CCDC60: variants seen among roughly 807,000 people sequenced by gnomAD.
CCDC60 encodes the protein coiled-coil domain-containing protein 60.
Under a neutral mutation model 63.5 loss-of-function variants are expected in CCDC60, and 54 were observed. The observed-to-expected ratio is 0.85, with a 90% CI of 0.68 to 1.07. The LOEUF (loss-of-function observed/expected upper bound fraction) is 1.07, where lower values mean the gene tolerates loss of function less well. CCDC60 is among the 50% of genes least tolerant of loss of function. The pLI is 0.00. For synonymous variants in CCDC60, 206 were observed against 238.8 expected, an observed-to-expected ratio of 0.86 and a Z score of 1.27; for missense variants, 651 against 684.3, an observed-to-expected ratio of 0.95 and a Z score of 0.54.
chr12:119,437,570 A>T (rs1950350272), intron 2 of CCDC60, among the ~76,000 whole-genome samples: 1 of 152,220 alleles, frequency 6.6e-6, no homozygotes, highest in Non-Finnish European at 1.5e-5. Flanking sequence ...AAATCCCTTT[A>T]TGAATGAGGC....
At position 119,500,167 on chromosome 12, in the gene CCDC60, AG is replaced by A; in HGVS notation, c.648+1del. ...QKWEHFITAP[K>X]TKKFKIPTMR... is the part of the protein sequence containing the mutation. ...TGGGAGCATTTCATCACAGCGCCAA[AG>A]GTAACCAACAACACGCGACTCAACC... On this transcript the variant is annotated frameshift_variant and splice_region_variant, in exon 6 of 14. Coordinates refer to ENST00000327554, the MANE Select transcript of CCDC60 (RefSeq NM_178499.5). LOFTEE classifies it high-confidence loss of function. 1 of 1,606,276 alleles carries A rather than the reference AG, an allele frequency of 6.2e-7. No homozygotes were observed. Among genetic ancestry groups the A allele is most frequent in the Non-Finnish European group, 8.5e-7 (1 of 1,174,658 alleles).
chr12:119,403,661 T>C (rs1397465604), intron 1 of CCDC60, among the ~76,000 whole-genome samples: 2 of 151,892 alleles, frequency 1.3e-5, no homozygotes, highest in African/African-American at 4.8e-5. Context: ...CGATCATGAC[T>C]GGCCCTTTCT....
intron 1 of CCDC60, among the ~76,000 whole-genome samples, chr12:119,366,958 G>A (rs368898964): frequency 2.3e-4 from 35 of 152,140 alleles, no homozygotes; most frequent in African/African-American, 7.0e-4. Flanking sequence ...TCACCCTCCC[G>A]AGTAGCTGGG....
intron 7 of CCDC60, among the ~76,000 whole-genome samples, chr12:119,510,953 TC>T (rs1952201504): frequency 6.6e-6 from 1 of 152,268 alleles, no homozygotes; most frequent in Middle Eastern, 3.4e-3. Context: ...AGCAAATGCT[TC>T]CCCTTGTATG....
At chr12:119,476,193 G>C (rs1195754625) in intron 3 of CCDC60, among the ~76,000 whole-genome samples, 2 of 152,140 alleles carry the variant, frequency 1.3e-5, no homozygotes, top group African/African-American at 4.8e-5. Flanking sequence ...CCTGCAAGCA[G>C]TCTTTCCCAC....
chr12:119,511,999 C>A (rs1952225027), intron 7 of CCDC60, among the ~76,000 whole-genome samples: 1 of 152,166 alleles, frequency 6.6e-6, no homozygotes, highest in African/African-American at 2.4e-5. Flanking sequence ...ATCATGCCCA[C>A]AAATTGAGAG....
At chr12:119,360,257 C>T (rs1322272828) in intron 1 of CCDC60, among the ~76,000 whole-genome samples, 2 of 150,960 alleles carry the variant, frequency 1.3e-5, no homozygotes, top group African/African-American at 4.9e-5. Flanking sequence ...AGGCGCCCCT[C>T]ACCTCCCGGA....
At chr12:119,336,322 C>T (rs1016588839) in intron 1 of CCDC60, among the ~76,000 whole-genome samples, 1 of 152,102 alleles carries the variant, frequency 6.6e-6, no homozygotes, top group Non-Finnish European at 1.5e-5. Flanking sequence ...ATTAAATTGT[C>T]GAGACACATT....
chr12:119,344,195 C>T (rs187299850), intron 1 of CCDC60, among the ~76,000 whole-genome samples: 174 of 152,218 alleles, frequency 1.1e-3, no homozygotes, highest in African/African-American at 4.0e-3. Flanking sequence ...TATTAGATGA[C>T]AGTTGCAGCC....
intron 1 of CCDC60, among the ~76,000 whole-genome samples, chr12:119,389,781 C>T (rs879723157): frequency 2.0e-5 from 3 of 152,150 alleles, no homozygotes; most frequent in Non-Finnish European, 4.4e-5. Flanking sequence ...CACCAACACA[C>T]AGGCATGCAC....
chr12:119,508,944 G>A (rs1183910779), intron 7 of CCDC60, among the ~76,000 whole-genome samples: 1 of 152,114 alleles, frequency 6.6e-6, no homozygotes, highest in Non-Finnish European at 1.5e-5. Context: ...TTCTCCTGGG[G>A]CAAACTGAAC....
intron 13 of CCDC60, among the ~76,000 whole-genome samples, chr12:119,537,682 G>A (rs1953043858): frequency 6.6e-6 from 1 of 152,166 alleles, no homozygotes; most frequent in Non-Finnish European, 1.5e-5. Flanking sequence ...TCAGCTGCAG[G>A]TCTGTTGGAG....
intron 2 of CCDC60, among the ~76,000 whole-genome samples, chr12:119,467,848 TC>T (rs1191531860): frequency 6.6e-6 from 1 of 152,252 alleles, no homozygotes; most frequent in African/African-American, 2.4e-5. Context: ...CTAACGGTTT[TC>T]TTTTTATCAA....
intron 2 of CCDC60, among the ~76,000 whole-genome samples, chr12:119,459,015 A>G (rs1452322771): frequency 6.6e-6 from 1 of 152,116 alleles, no homozygotes; most frequent in African/African-American, 2.4e-5. Context: ...CCCAAAGTGA[A>G]CCAAAGTGGA....
intron 11 of CCDC60, among the ~76,000 whole-genome samples, chr12:119,527,666 C>CTTTTTTTTTTTTTTT (rs869099213): frequency 8.2e-4 from 70 of 84,974 alleles, no homozygotes; most frequent in African/African-American, 1.3e-3. Flanking sequence ...TTCTTTCTTT[C>CTTTTTTTTTTTTTTT]TTTTTTTTTT....
At chr12:119,442,302 A>G (rs554630268) in intron 2 of CCDC60, among the ~76,000 whole-genome samples, 1 of 152,320 alleles carries the variant, frequency 6.6e-6, no homozygotes, top group South Asian at 2.1e-4. Flanking sequence ...TCAAATATCT[A>G]CAAAGGCAGA....
At chr12:119,399,993 G>T (rs1956359824) in intron 1 of CCDC60, among the ~76,000 whole-genome samples, 1 of 151,636 alleles carries the variant, frequency 6.6e-6, no homozygotes, top group Non-Finnish European at 1.5e-5. Context: ...TACTAAGCTA[G>T]TGATGCTATG....
intron 1 of CCDC60, among the ~76,000 whole-genome samples, chr12:119,417,854 G>A (rs1465909942): frequency 1.3e-5 from 2 of 152,218 alleles, no homozygotes; most frequent in African/African-American, 4.8e-5. Context: ...CTGAATGTCA[G>A]CAAGAAGCCC....
At position 119,540,931 on chromosome 12, in the gene CCDC60, C is replaced by T. The variant is rs1416356175; in HGVS notation, c.*216C>T. The stretch of plus-strand genomic sequence containing the variant: ...CCTCAATTCCACACCCCAGACCCAA[C>T]CTACCAGTCTCTGTTCTTCAATGAT... On this transcript the variant is annotated 3_prime_UTR_variant, in exon 14 of 14. Transcript: ENST00000327554. 1 of 473,750 alleles carries T rather than the reference C, an allele frequency of 2.1e-6. No homozygotes were observed. The highest frequency in any genetic ancestry group is 3.7e-6 in the Non-Finnish European group (1 of 267,588). 29.3% of individuals were successfully genotyped at this position (473,750 alleles called of 1,614,324 possible). A position where few individuals can be genotyped will look rare whatever the true frequency, so the allele number is the denominator to read the frequency against.
Sources: gnomAD v4.1 joint callset for allele counts (sites outside exome capture counted in the v4.1 genomes callset) on GRCh38, gnomAD v4.1.1 for gene constraint, MANE v1.5 for transcripts, NCBI Gene and HGNC (gene_info 2026-07-23, HGNC 2026-07-21) for gene names.